PTPRT: variants seen among roughly 807,000 people sequenced by gnomAD.
PTPRT encodes the protein receptor-type tyrosine-protein phosphatase T.
A neutral mutation model predicts 176.8 loss-of-function variants in PTPRT; 56 were observed. The ratio of observed to expected loss-of-function variants is 0.32; its 90% CI spans 0.26 to 0.40. PTPRT has a LOEUF of 0.40. Ranked by LOEUF, PTPRT falls within the 10% of genes least tolerant of loss-of-function variation. PTPRT has a pLI of 1.00. For missense variants in PTPRT, 1,540 were observed against 1,908.2 expected (o/e 0.81, Z 3.60); for synonymous variants, 783 against 739.0 (o/e 1.06, Z -0.96).
At chr20:42,561,898 C>G (rs145119190) in intron 7 of PTPRT, among the ~76,000 whole-genome samples, 2 of 152,168 alleles carry the variant, frequency 1.3e-5, no homozygotes, top group African/African-American at 2.4e-5. Context: ...GTTGTTCCCC[C>G]CAAAACCCTC....
intron 6 of PTPRT, among the ~76,000 whole-genome samples, chr20:42,703,938 T>G (rs1278359742): frequency 1.3e-5 from 2 of 152,194 alleles, no homozygotes; most frequent in Non-Finnish European, 2.9e-5. Flanking sequence ...CCAGGCCATT[T>G]TGTTCCCCTA....
chr20:42,221,539 T>A lies in PTPRT; in HGVS notation c.2342+14690A>T, dbSNP rs568895044. On this transcript the variant is annotated intron_variant, in intron 15 of 30. Transcript: ENST00000373187. ...TGCAAGGGAAACTGCCACTTTTTTT[T>A]TTTTTGAGACAGAGTCTTGCTCTGT... Among the ~76,000 whole-genome samples, 38 of 151,676 alleles carry A rather than the reference T, an allele frequency of 2.5e-4. No homozygotes were observed. In the South Asian group the frequency reaches 6.5e-3, roughly 26 times the overall value.
intron 7 of PTPRT, among the ~76,000 whole-genome samples, chr20:42,573,042 C>T (rs572156617): frequency 6.6e-6 from 1 of 151,200 alleles, no homozygotes; most frequent in African/African-American, 2.4e-5. Context: ...GTTTGCCATC[C>T]TATTCCCAAT....
chr20:42,343,703 C>T (rs2058145574), intron 11 of PTPRT, among the ~76,000 whole-genome samples: 1 of 152,190 alleles, frequency 6.6e-6, no homozygotes, highest in Non-Finnish European at 1.5e-5. Flanking sequence ...GAAGATCACC[C>T]CTGGAGATGA....
At chr20:42,895,881 T>C (rs573325450) in intron 1 of PTPRT, among the ~76,000 whole-genome samples, 1 of 152,270 alleles carries the variant, frequency 6.6e-6, no homozygotes, top group African/African-American at 2.4e-5. Context: ...AAATTCCCAG[T>C]TTTAGCAGTC....
chr20:42,461,388 G>T (rs6093646), intron 8 of PTPRT, among the ~76,000 whole-genome samples: 2,821 of 152,158 alleles, frequency 0.019, 75 homozygotes, highest in African/African-American at 0.065. Context: ...GAGCACACTT[G>T]CACATGCCTA....
intron 13 of PTPRT, among the ~76,000 whole-genome samples, chr20:42,266,470 G>T (rs2146983374): frequency 6.6e-6 from 1 of 152,284 alleles, no homozygotes; most frequent in East Asian, 1.9e-4. Flanking sequence ...TTTCTGCACT[G>T]GTGGGCCTGG....
chr20:42,610,419 T>C (rs1432651706), intron 7 of PTPRT, among the ~76,000 whole-genome samples: 1 of 150,690 alleles, frequency 6.6e-6, no homozygotes, highest in South Asian at 2.1e-4. Context: ...GGGGTCTCAC[T>C]ATGTTGACCA....
At chr20:42,342,431 C>T (rs2058125922) in intron 11 of PTPRT, among the ~76,000 whole-genome samples, 1 of 152,176 alleles carries the variant, frequency 6.6e-6, no homozygotes, top group Non-Finnish European at 1.5e-5. Flanking sequence ...GTCCCCCTAA[C>T]CCCCAATACA....
Position 42,078,725 on chromosome 20 carries a change from C to G in PTPRT, c.*2154G>C, listed in dbSNP as rs2146074630. ...TGCTGTGCCCGCACTGGGCTGGCCT[C>G]CCCCAGACTGCTTCTCCCAATGCCT... On this transcript the variant is annotated 3_prime_UTR_variant, in exon 31 of 31. Coordinates refer to ENST00000373187, the MANE Select transcript of PTPRT (RefSeq NM_007050.6). The G allele has an allele frequency of 5.6e-6, 1 of 178,608 alleles. No homozygotes were observed. Among genetic ancestry groups the G allele is most frequent in the East Asian group, 9.4e-5 (1 of 10,668 alleles). The allele number at this position is 178,608 out of a possible 1,614,324, so 11.1% of individuals were successfully genotyped here.
At chr20:42,349,891 G>A (rs11086830) in intron 11 of PTPRT, among the ~76,000 whole-genome samples, 26,522 of 152,172 alleles carry the variant, frequency 0.17, 2,825 homozygotes, top group Non-Finnish European at 0.25. Context: ...ATGGAGATGC[G>A]TCAGTGTATT....
At chr20:42,280,038 TC>T in intron 13 of PTPRT, among the ~76,000 whole-genome samples, 1 of 152,134 alleles carries the variant, frequency 6.6e-6, no homozygotes, top group South Asian at 2.1e-4. Flanking sequence ...GCTTCCAAAG[TC>T]CGTGGGATTC....
At chr20:42,926,623 G>C (rs945552036) in intron 1 of PTPRT, among the ~76,000 whole-genome samples, 1 of 152,138 alleles carries the variant, frequency 6.6e-6, no homozygotes, top group Non-Finnish European at 1.5e-5. Flanking sequence ...GAGTGCATCA[G>C]AGCCACACAC....
Position 42,817,123 on chromosome 20 carries a change from T to A in PTPRT, c.215-25657A>T, listed in dbSNP as rs112393751. Among the ~76,000 whole-genome samples, 583 of 152,300 alleles carry A rather than the reference T, an allele frequency of 3.8e-3. 4 individuals are homozygous for A. The highest frequency in any genetic ancestry group is 0.013 in the African/African-American group (551 of 41,560). On this transcript the variant is annotated intron_variant, in intron 2 of 30. Transcript: ENST00000373187. ...TACTATAACAGAAGCTAGAAAGTGA[T>A]TTAAAAGGGCAATTCCTCATTTTTC...
At chr20:42,500,303 C>T (rs2071729343) in intron 7 of PTPRT, among the ~76,000 whole-genome samples, 1 of 151,938 alleles carries the variant, frequency 6.6e-6, no homozygotes, top group Non-Finnish European at 1.5e-5. Flanking sequence ...TCACATAAGC[C>T]TCTTTATGCC....
intron 1 of PTPRT, among the ~76,000 whole-genome samples, chr20:42,945,545 G>C (rs1222763590): frequency 6.6e-6 from 1 of 152,192 alleles, no homozygotes; most frequent in African/African-American, 2.4e-5. Flanking sequence ...CCTGCTTCCA[G>C]TGTCCAACAG....
At chr20:42,755,979 A>G (rs2145404051) in intron 6 of PTPRT, among the ~76,000 whole-genome samples, 2 of 152,368 alleles carry the variant, frequency 1.3e-5, no homozygotes, top group Middle Eastern at 6.8e-3. Flanking sequence ...GTGAACAAGA[A>G]CAAGAAAATT....
In PTPRT at chr20:42,276,058, T is replaced by C. The variant is rs551153832; in HGVS notation, c.2176+6431A>G. Among the ~76,000 whole-genome samples, 11 of 152,200 alleles carry C rather than the reference T, an allele frequency of 7.2e-5. No homozygotes were observed. The South Asian group carries it at 2.3e-3, about 32-fold the overall frequency. ...TTTCCTCTCACAAGTGATTCCCCAT[T>C]ATGGCCCCTACCCTGGTTGCTCTAG... is the stretch of plus-strand genomic sequence containing the variant. On this transcript the variant is annotated intron_variant, in intron 13 of 30. Coordinates refer to ENST00000373187, the MANE Select transcript of PTPRT (RefSeq NM_007050.6).
At chr20:42,914,693 T>C (rs566019379) in intron 1 of PTPRT, among the ~76,000 whole-genome samples, 2 of 152,222 alleles carry the variant, frequency 1.3e-5, no homozygotes, top group South Asian at 4.2e-4. Context: ...AGGGAAGGAT[T>C]TGACAACAAA....
Sources: allele counts gnomAD v4.1 joint callset (sites outside exome capture counted in the v4.1 genomes callset), GRCh38; gene constraint gnomAD v4.1.1; transcripts MANE v1.5; gene names NCBI Gene and HGNC (gene_info 2026-07-23, HGNC 2026-07-21).